The following NBAS variants were observed in gnomAD, a reference collection of about 807,000 sequenced individuals.
The protein encoded by NBAS is NBAS subunit of NRZ tethering complex.
A neutral mutation model predicts 302.5 loss-of-function variants in NBAS; 219 were observed. The observed-to-expected ratio is 0.72, with a 90% CI of 0.65 to 0.81. The LOEUF is 0.81. Among genes scored for constraint, NBAS ranks in the 30% least tolerant of loss-of-function variants. The pLI, the probability that NBAS is intolerant of heterozygous loss-of-function variation, is 0.00. For missense variants in NBAS, 2,932 were observed against 2,841.6 expected (o/e 1.03, Z -0.72); for synonymous variants, 1,118 against 1,021.6 (o/e 1.09, Z -1.80).
At chr2:15,042,638 T>C in the NBAS span, among the ~76,000 whole-genome samples, 3 of 152,134 alleles carry the variant, frequency 2.0e-5, no homozygotes, top group Non-Finnish European at 4.4e-5. Flanking sequence ...GAGATGAGGA[T>C]GGCAGGGCTG....
At chr2:15,065,725 A>AT in the NBAS span, among the ~76,000 whole-genome samples, 1 of 106,676 alleles carries the variant, frequency 9.4e-6, no homozygotes, top group African/African-American at 2.6e-5. Flanking sequence ...CAACACATTG[A>AT]TTTAAAAAAA....
the NBAS span, among the ~76,000 whole-genome samples, chr2:14,856,675 A>T: frequency 6.6e-6 from 1 of 151,654 alleles, no homozygotes; most frequent in Non-Finnish European, 1.5e-5. Flanking sequence ...AAGAATGCAT[A>T]AGAGTTCTTT....
chr2:15,348,996 CACAAG>C (rs1181773889), intron 35 of NBAS, among the ~76,000 whole-genome samples: 1 of 152,122 alleles, frequency 6.6e-6, no homozygotes, highest in Non-Finnish European at 1.5e-5. Flanking sequence ...GGGATAAGAG[CACAAG>C]ACAAGCACAA....
intron 27 of NBAS, among the ~76,000 whole-genome samples, chr2:15,396,004 C>T (rs4140713): frequency 0.63 from 95,065 of 151,854 alleles, 30,517 homozygotes; most frequent in Middle Eastern, 0.69. Flanking sequence ...GGGAAGTTAG[C>T]GTAATAAACA....
At chr2:15,146,438 G>A in the NBAS span, among the ~76,000 whole-genome samples, 23 of 152,204 alleles carry the variant, frequency 1.5e-4, no homozygotes, top group African/African-American at 4.3e-4. Context: ...GACTGCAGAC[G>A]GCTGATAAAG....
the NBAS span, among the ~76,000 whole-genome samples, chr2:14,969,742 A>C: frequency 2.0e-5 from 3 of 152,220 alleles, no homozygotes; most frequent in Admixed American, 2.0e-4. Context: ...TGCTGGAAAA[A>C]ATGGATATCC....
intron 13 of NBAS, 49 bp downstream of exon 13, chr2:15,478,177 A>G (rs1159887311): frequency 1.6e-6 from 2 of 1,225,280 alleles, no homozygotes; most frequent in Admixed American, 3.4e-5. Context: ...ATCTTGTATA[A>G]TAATAGGAGT....
At chr2:14,903,577 G>T in the NBAS span, among the ~76,000 whole-genome samples, 1 of 152,098 alleles carries the variant, frequency 6.6e-6, no homozygotes, top group Non-Finnish European at 1.5e-5. Flanking sequence ...AAACAATAGG[G>T]GGTGGAGGAG....
chr2:15,140,666 G>T, the NBAS span, among the ~76,000 whole-genome samples: 7 of 152,194 alleles, frequency 4.6e-5, no homozygotes, highest in African/African-American at 1.4e-4. Flanking sequence ...ATCCAAAGGT[G>T]AATTCAGCAG....
At chr2:15,282,782 A>ACATG (rs1669880164) in intron 42 of NBAS, among the ~76,000 whole-genome samples, 1 of 152,292 alleles carries the variant, frequency 6.6e-6, no homozygotes, top group Admixed American at 6.5e-5. Flanking sequence ...CAGTATAAAG[A>ACATG]CATGTCCTGT....
At chr2:14,865,264 C>T in the NBAS span, among the ~76,000 whole-genome samples, 2 of 151,408 alleles carry the variant, frequency 1.3e-5, no homozygotes, top group Non-Finnish European at 2.9e-5. Flanking sequence ...AAATTATAAA[C>T]CTTTGTATCA....
intron 12 of NBAS, among the ~76,000 whole-genome samples, chr2:15,479,474 G>A (rs1170346417): frequency 6.6e-6 from 1 of 152,076 alleles, no homozygotes; most frequent in African/African-American, 2.4e-5. Context: ...CGTGGCACAT[G>A]TACCTTCCTA....
chr2:14,803,074 G>A, the NBAS span, among the ~76,000 whole-genome samples: 9,425 of 152,200 alleles, frequency 0.062, 324 homozygotes, highest in African/African-American at 0.093. Flanking sequence ...AAAACAATTT[G>A]ACACTTTTAA....
chr2:15,390,477 G>A (rs1189582177), intron 28 of NBAS, among the ~76,000 whole-genome samples: 1 of 152,078 alleles, frequency 6.6e-6, no homozygotes, highest in Non-Finnish European at 1.5e-5. Context: ...CAGATTAGAG[G>A]ATACAAAGTA....
At chr2:14,781,444 T>C in the NBAS span, among the ~76,000 whole-genome samples, 1 of 151,650 alleles carries the variant, frequency 6.6e-6, no homozygotes, top group East Asian at 1.9e-4. Context: ...ACTCATTTCC[T>C]ACCTGGGCTA....
At chr2:15,088,364 T>C in the NBAS span, among the ~76,000 whole-genome samples, 2 of 152,204 alleles carry the variant, frequency 1.3e-5, no homozygotes, top group African/African-American at 2.4e-5. Context: ...TAATCTAATT[T>C]TTATATTTTT....
At chr2:15,439,440 T>C (rs1678222859) in intron 21 of NBAS, among the ~76,000 whole-genome samples, 2 of 151,724 alleles carry the variant, frequency 1.3e-5, no homozygotes, top group South Asian at 4.1e-4. Context: ...GTAATTTAAC[T>C]GCACCCCAGA....
chr2:15,426,514 C>T (rs1251612824), intron 22 of NBAS, among the ~76,000 whole-genome samples: 4 of 152,040 alleles, frequency 2.6e-5, no homozygotes, highest in African/African-American at 9.7e-5. Flanking sequence ...GTATTTTTAA[C>T]CTATTTTCTA....
chr2:14,914,326 C>T, the NBAS span, among the ~76,000 whole-genome samples: 1 of 152,196 alleles, frequency 6.6e-6, no homozygotes, highest in African/African-American at 2.4e-5. Context: ...ATATTTGCAG[C>T]CCAGGCACAC....
Sources: allele counts gnomAD v4.1 joint callset (sites outside exome capture counted in the v4.1 genomes callset), GRCh38; gene constraint gnomAD v4.1.1; transcripts MANE v1.5; gene names NCBI Gene and HGNC (gene_info 2026-07-23, HGNC 2026-07-21).